MYO7B: variants seen among roughly 807,000 people sequenced by gnomAD.
MYO7B encodes unconventional myosin-VIIb.
Under a neutral mutation model 259.7 loss-of-function variants are expected in MYO7B, and 212 were observed. The ratio of observed to expected loss-of-function variants is 0.82; its 90% CI spans 0.73 to 0.91. The LOEUF (loss-of-function observed/expected upper bound fraction) is 0.91, where lower values mean the gene tolerates loss of function less well. Ranked by LOEUF, MYO7B falls within the 40% of genes least tolerant of loss-of-function variation. The probability of loss-of-function intolerance (pLI) is 0.00; values close to 1 mark genes in which losing one functional copy is unlikely to be tolerated. For synonymous variants in MYO7B, 1,197 were observed against 1,166.4 expected (o/e 1.03, Z -0.54); for missense variants, 2,732 against 2,813.5 (o/e 0.97, Z 0.66).
intron 5 of MYO7B, among the ~76,000 whole-genome samples, chr2:127,567,264 T>C (rs1678390913): frequency 6.6e-6 from 1 of 151,852 alleles, no homozygotes; most frequent in African/African-American, 2.4e-5. Context: ...GAAAAAGATA[T>C]GGGACCCAGG....
Position 127,637,678 on chromosome 2 carries a change from A to G in MYO7B, c.*261A>G. 2.6e-6 allele frequency: 1 copy of G among 388,684 alleles called. No individual in the cohort carries two copies. Among genetic ancestry groups the G allele is most frequent in the East Asian group, 3.8e-5 (1 of 26,578 alleles). The allele number at this position is 388,684 out of a possible 1,614,324, so 24.1% of individuals were successfully genotyped here. ...TGACTGACTGACAGGACACCTCCCA[A>G]CCCCACCCCACCCCACCAGAATGTT... On this transcript the variant is annotated 3_prime_UTR_variant, in exon 48 of 48. Coordinates refer to ENST00000409816, the MANE Select transcript of MYO7B (RefSeq NM_001393586.1).
intron 26 of MYO7B, 74 bp from the exon 27 acceptor site, chr2:127,620,266 G>T: frequency 1.3e-6 from 2 of 1,529,432 alleles, no homozygotes; most frequent in South Asian, 2.5e-5. Context: ...CACAAGAGCT[G>T]TGTGCCCAGG....
At position 127,590,399 on chromosome 2, in the gene MYO7B, G is replaced by T. The variant is rs73953648; in HGVS notation, c.1992+170G>T. 0.011 allele frequency among the ~76,000 whole-genome samples: 1,720 copies of T among 152,314 alleles called. 29 individuals carry two copies. Among genetic ancestry groups the T allele is most frequent in the African/African-American group, 0.039 (1,614 of 41,568 alleles). ...AGGTGACCAGACTAGGTCATGTGAA[G>T]GTCAGTGACCTGCAGAGCTTTGGGT... is the stretch of plus-strand genomic sequence containing the variant. On this transcript the variant is annotated intron_variant, in intron 16 of 47. Transcript: ENST00000409816. The surrounding 1 kb of genome is among the most constrained non-coding windows in gnomAD (Gnocchi z 4.6).
chr2:127,551,944 A>AC (rs1400485955), intron 1 of MYO7B, among the ~76,000 whole-genome samples: 2 of 152,048 alleles, frequency 1.3e-5, no homozygotes, highest in Non-Finnish European at 2.9e-5. Flanking sequence ...CCATGAGACC[A>AC]CCCTGCCCCT....
chr2:127,626,823 G>A (rs893913661), intron 31 of MYO7B, 152 bp from the exon 32 acceptor site: 38 of 670,288 alleles, frequency 5.7e-5, no homozygotes, highest in South Asian at 9.6e-5. Context: ...CCCTGGGGAC[G>A]TCCCAGGTGC....
At chr2:127,541,983 T>C (rs1038424735) in intron 1 of MYO7B, among the ~76,000 whole-genome samples, 10 of 152,348 alleles carry the variant, frequency 6.6e-5, no homozygotes, top group African/African-American at 2.4e-4. Context: ...CTGGGCCCTG[T>C]GCCCACTGGG....
intron 19 of MYO7B, among the ~76,000 whole-genome samples, chr2:127,602,864 G>A (rs532086720): frequency 6.6e-6 from 1 of 152,078 alleles, no homozygotes; most frequent in Non-Finnish European, 1.5e-5. Context: ...GCCGGGCGTG[G>A]TGATGTGCAC....
chr2:127,622,305 A>G (rs1680878116), intron 28 of MYO7B, among the ~76,000 whole-genome samples: 2 of 151,792 alleles, frequency 1.3e-5, no homozygotes, highest in African/African-American at 4.8e-5. Flanking sequence ...CCATCTCCAA[A>G]TCCATATTCC....
In MYO7B at chr2:127,580,634, G is replaced by A. The variant is rs888192130; in HGVS notation, c.1004-112G>A. Reference sequence around the variant, plus strand: ...GGGAGAGACCGTGGCTTACGCCAGGGCAGCTGTCCTCCTGAGTGGATCTGG... The same window carrying A: ...GGGAGAGACCGTGGCTTACGCCAGGACAGCTGTCCTCCTGAGTGGATCTGG... On this transcript the variant is annotated intron_variant, in intron 9 of 47. Coordinates refer to ENST00000409816, the MANE Select transcript of MYO7B (RefSeq NM_001393586.1). The A allele has an allele frequency of 9.7e-6, 10 of 1,035,394 alleles. No individual in the cohort carries two copies. The African/African-American group carries it at 1.1e-4, about 12-fold the overall frequency. The allele number at this position is 1,035,394 out of a possible 1,614,324, so 64.1% of individuals were successfully genotyped here.
At chr2:127,543,762 T>G (rs75775572) in intron 1 of MYO7B, among the ~76,000 whole-genome samples, 1 of 151,828 alleles carries the variant, frequency 6.6e-6, no homozygotes, top group Non-Finnish European at 1.5e-5. Flanking sequence ...ATTTTTTTTT[T>G]GAGACCGAGT....
At chr2:127,582,510 G>A (rs569964081) in intron 12 of MYO7B, 64 bp downstream of exon 12, 50 of 1,568,354 alleles carry the variant, frequency 3.2e-5, no homozygotes, top group African/African-American at 1.6e-4. Context: ...AGCTCCTCTC[G>A]AAGGGGGCAA....
At chr2:127,591,710 G>T (rs1439298896) in intron 16 of MYO7B, among the ~76,000 whole-genome samples, 1 of 152,196 alleles carries the variant, frequency 6.6e-6, no homozygotes, top group African/African-American at 2.4e-5. Flanking sequence ...ATCAGAGGGC[G>T]TTCCCCAGGG....
chr2:127,536,475 G>A (rs1309182569), intron 1 of MYO7B, among the ~76,000 whole-genome samples: 3 of 149,060 alleles, frequency 2.0e-5, no homozygotes, highest in African/African-American at 7.4e-5. Flanking sequence ...GGTGGGGGGG[G>A]GGGTGGGGGA....
At chr2:127,544,868 C>T (rs1393816289) in intron 1 of MYO7B, among the ~76,000 whole-genome samples, 1 of 151,594 alleles carries the variant, frequency 6.6e-6, no homozygotes, top group Non-Finnish European at 1.5e-5. Flanking sequence ...GCATGAGACA[C>T]CGCGCCCGGC....
chr2:127,569,277 C>T (rs556927761), intron 5 of MYO7B, among the ~76,000 whole-genome samples: 2 of 150,020 alleles, frequency 1.3e-5, no homozygotes, highest in South Asian at 4.2e-4. Flanking sequence ...TAAAATAGTA[C>T]AGGACGGGAA....
At chr2:127,566,020 C>T (rs989176337) in intron 4 of MYO7B, among the ~76,000 whole-genome samples, 3 of 152,244 alleles carry the variant, frequency 2.0e-5, no homozygotes, top group Admixed American at 6.5e-5. Flanking sequence ...CTGGGCTGCT[C>T]AGAGGAAAGC....
chr2:127,557,261 T>A (rs1278368542), intron 1 of MYO7B, among the ~76,000 whole-genome samples: 1 of 152,138 alleles, frequency 6.6e-6, no homozygotes, highest in Non-Finnish European at 1.5e-5. Flanking sequence ...AATTGTTTTT[T>A]ATTTATGCTG....
intron 36 of MYO7B, 143 bp from the exon 37 acceptor site, chr2:127,631,063 C>G (rs1681472676): frequency 1.4e-6 from 2 of 1,380,494 alleles, no homozygotes; most frequent in South Asian, 1.5e-5. Context: ...CCTGGCCTTC[C>G]CAGGCCAGGG....
rs1036374732 is a variant in MYO7B at position 127,599,937 on chromosome 2, G to A, written c.2339+3381G>A. Among the ~76,000 whole-genome samples the A allele has an allele frequency of 8.1e-4, 123 of 152,110 alleles. 1 individual carries two copies. Among genetic ancestry groups the A allele is most frequent in the African/African-American group, 2.7e-3 (112 of 41,404 alleles). The stretch of plus-strand genomic sequence containing the variant: ...TTAATGTTTCATTAAGGATTTTTGC[G>A]TCTATATTCATGACGTCTGAGGATT... On this transcript the variant is annotated intron_variant, in intron 19 of 47. Transcript: ENST00000409816.
Sources: gnomAD v4.1 joint callset for allele counts (sites outside exome capture counted in the v4.1 genomes callset) on GRCh38, gnomAD v4.1.1 for gene constraint, Gnocchi (gnomAD v3.1) non-coding constraint, MANE v1.5 for transcripts, NCBI Gene and HGNC (gene_info 2026-07-23, HGNC 2026-07-21) for gene names.